KIAA0825: variants seen among roughly 807,000 people sequenced by gnomAD.
KIAA0825 encodes the protein uncharacterized protein KIAA0825.
Under a neutral mutation model 147.6 loss-of-function variants are expected in KIAA0825, and 119 were observed. The ratio of observed to expected loss-of-function variants is 0.81; its 90% confidence interval spans 0.69 to 0.94. The LOEUF (loss-of-function observed/expected upper bound fraction) is 0.94, where lower values mean the gene tolerates loss of function less well. Among genes scored for constraint, KIAA0825 ranks in the 40% least tolerant of loss-of-function variants. KIAA0825 has a pLI of 0.00. For missense variants in KIAA0825, 1,381 were observed against 1,472.7 expected, an observed-to-expected ratio of 0.94 and a Z score of 1.02; for synonymous variants, 470 against 518.1, an observed-to-expected ratio of 0.91 and a Z score of 1.26.
intron 20 of KIAA0825, among the ~76,000 whole-genome samples, chr5:94,289,735 G>C (rs1376513343): frequency 6.6e-6 from 1 of 151,220 alleles, no homozygotes; most frequent in Non-Finnish European, 1.5e-5. Flanking sequence ...GCAATATAAA[G>C]GACTTTTGTT....
chr5:94,313,596 AT>A (rs1258337501), intron 20 of KIAA0825, among the ~76,000 whole-genome samples: 1 of 130,778 alleles, frequency 7.6e-6, no homozygotes, highest in East Asian at 2.3e-4. Flanking sequence ...ACATGCCTAG[AT>A]TTTTGAATAA....
intron 20 of KIAA0825, among the ~76,000 whole-genome samples, chr5:94,180,267 G>A (rs1004081130): frequency 6.6e-6 from 1 of 151,918 alleles, no homozygotes; most frequent in East Asian, 1.9e-4. Context: ...ATCCAATCAC[G>A]AGAAACCATC....
intron 20 of KIAA0825, among the ~76,000 whole-genome samples, chr5:94,306,857 CAT>C (rs1272795542): frequency 2.0e-5 from 3 of 151,752 alleles, no homozygotes; most frequent in Non-Finnish European, 1.5e-5. Context: ...AGAAAGAACA[CAT>C]GATAGTCATC....
intron 2 of KIAA0825, among the ~76,000 whole-genome samples, chr5:94,580,545 C>A (rs73132682): frequency 0.076 from 11,520 of 150,704 alleles, 480 homozygotes; most frequent in South Asian, 0.11. Context: ...GTGTTCCTGG[C>A]TGCTCCTTTG....
chr5:94,177,399 T>C (rs999704536), intron 20 of KIAA0825, among the ~76,000 whole-genome samples: 3 of 152,118 alleles, frequency 2.0e-5, no homozygotes, highest in Non-Finnish European at 4.4e-5. Flanking sequence ...CTTCTTTTTT[T>C]AATAACTATA....
intron 20 of KIAA0825, among the ~76,000 whole-genome samples, chr5:94,164,172 G>T (rs1447718387): frequency 1.3e-5 from 2 of 152,024 alleles, no homozygotes; most frequent in South Asian, 2.1e-4. Flanking sequence ...AAATACCAAT[G>T]ACATTCCTTA....
At chr5:94,314,369 G>C (rs1307116080) in intron 20 of KIAA0825, among the ~76,000 whole-genome samples, 1 of 151,580 alleles carries the variant, frequency 6.6e-6, no homozygotes, top group African/African-American at 2.4e-5. Context: ...ACTTGATGTG[G>C]CCATTTAACA....
intron 2 of KIAA0825, among the ~76,000 whole-genome samples, chr5:94,551,691 C>CAAATA (rs1775569337): frequency 6.6e-6 from 1 of 151,896 alleles, no homozygotes; most frequent in South Asian, 2.1e-4. Flanking sequence ...ATATATTGGC[C>CAAATA]TTATATTAAA....
chr5:94,273,147 C>T (rs1158576967), intron 20 of KIAA0825, among the ~76,000 whole-genome samples: 1 of 152,124 alleles, frequency 6.6e-6, no homozygotes, highest in Non-Finnish European at 1.5e-5. Flanking sequence ...TCAGTTTCTG[C>T]ATCTGTAAAA....
chr5:94,315,869 A>G (rs1157796459), intron 20 of KIAA0825, among the ~76,000 whole-genome samples: 1 of 151,746 alleles, frequency 6.6e-6, no homozygotes, highest in Non-Finnish European at 1.5e-5. Context: ...AGCATTGTTC[A>G]GCTCTTTGTA....
At chr5:94,255,588 G>A (rs1163188973) in intron 20 of KIAA0825, among the ~76,000 whole-genome samples, 1 of 150,140 alleles carries the variant, frequency 6.7e-6, no homozygotes. Flanking sequence ...GCAGAAATAT[G>A]GTTTTTATTT....
chr5:94,166,354 CAGT>C (rs1258258158), intron 20 of KIAA0825, among the ~76,000 whole-genome samples: 3 of 152,038 alleles, frequency 2.0e-5, no homozygotes, highest in African/African-American at 4.8e-5. Context: ...TATGAAATGT[CAGT>C]GGTAATAAAA....
rs1766428996 is a variant in KIAA0825 at position 94,150,874 on chromosome 5, A to C, written c.*3133T>G. Among the ~76,000 whole-genome samples, 1 of 152,268 alleles carries C rather than the reference A, an allele frequency of 6.6e-6. No individual in the cohort carries two copies. The highest frequency in any genetic ancestry group is 1.5e-5 in the Non-Finnish European group (1 of 68,014). ...TCTGAAATAGACAATATTCTTTATAATTTATTTAAAAATTATTTCATACTG... is the reference window on the plus strand; with the variant it reads ...TCTGAAATAGACAATATTCTTTATACTTTATTTAAAAATTATTTCATACTG... On this transcript the variant is annotated 3_prime_UTR_variant, in exon 21 of 21. Coordinates refer to ENST00000682413, the MANE Select transcript of KIAA0825 (RefSeq NM_001145678.3).
chr5:94,521,025 AT>A, intron 4 of KIAA0825, 108 bp from the exon 5 acceptor site: 1 of 946,876 alleles, frequency 1.1e-6, no homozygotes, highest in East Asian at 2.7e-5. Flanking sequence ...ATACTCTAAA[AT>A]TCCTTAAGAT....
intron 20 of KIAA0825, among the ~76,000 whole-genome samples, chr5:94,287,242 T>A (rs907030444): frequency 1.3e-5 from 2 of 152,188 alleles, no homozygotes; most frequent in Non-Finnish European, 2.9e-5. Flanking sequence ...GTCTTCCGAC[T>A]GATAGCTGAT....
In KIAA0825 at chr5:94,171,162, G is replaced by A. The variant is rs538268086; in HGVS notation, c.3711-17038C>T. 1.2e-4 allele frequency among the ~76,000 whole-genome samples: 18 copies of A among 152,276 alleles called. No homozygotes were observed. The South Asian group carries it at 3.7e-3, about 32-fold the overall frequency. ...TGTCATGGGAGGAACTTGGTGGGAG[G>A]TGATTGAATTATGGGTGCAGGTCTT... On this transcript the variant is annotated intron_variant, in intron 20 of 20. Coordinates refer to ENST00000682413, the MANE Select transcript of KIAA0825 (RefSeq NM_001145678.3).
At chr5:94,573,422 C>G (rs1780359009) in intron 2 of KIAA0825, among the ~76,000 whole-genome samples, 1 of 152,004 alleles carries the variant, frequency 6.6e-6, no homozygotes, top group Admixed American at 6.6e-5. Flanking sequence ...AGGCATGTGC[C>G]ACCATGCCCA....
chr5:94,285,378 G>A (rs1047802545), intron 20 of KIAA0825, among the ~76,000 whole-genome samples: 8 of 151,720 alleles, frequency 5.3e-5, no homozygotes, highest in Non-Finnish European at 8.8e-5. Context: ...TATGTTCTTC[G>A]GATTTTTATC....
At chr5:94,410,131 G>C (rs1192480000) in intron 15 of KIAA0825, among the ~76,000 whole-genome samples, 1 of 150,702 alleles carries the variant, frequency 6.6e-6, no homozygotes. Context: ...ATACAGAATT[G>C]CCAGAAGTTA....
Sources: allele counts gnomAD v4.1 joint callset (sites outside exome capture counted in the v4.1 genomes callset), GRCh38; gene constraint gnomAD v4.1.1; transcripts MANE v1.5; gene names NCBI Gene and HGNC (gene_info 2026-07-23, HGNC 2026-07-21).